LRRC37A2: variants seen among roughly 807,000 people sequenced by gnomAD.
The protein encoded by LRRC37A2 is leucine rich repeat containing 37 member A2, also known as leucine-rich repeat-containing protein 37A2.
Under a neutral mutation model 68.8 loss-of-function variants are expected in LRRC37A2, and 9 were observed. The observed-to-expected ratio is 0.13, with a 90% CI of 0.08 to 0.23. The LOEUF is 0.23. LRRC37A2 is among the 10% of genes least tolerant of loss of function. The pLI is 1.00. For missense variants in LRRC37A2, 168 were observed against 950.4 expected (o/e 0.18, Z 10.82); for synonymous variants, 63 against 367.6 (o/e 0.17, Z 9.48).
At chr17:46,929,927 T>C in the LRRC37A2 span, 1 of 240,714 alleles carries the variant, frequency 4.2e-6, no homozygotes, top group Non-Finnish European at 8.2e-6. Flanking sequence ...GGCCATTTCT[T>C]CTGAGCTGAG....
At chr17:46,965,985 A>G in the LRRC37A2 span, among the ~76,000 whole-genome samples, 1 of 151,930 alleles carries the variant, frequency 6.6e-6, no homozygotes, top group Non-Finnish European at 1.5e-5. Flanking sequence ...GGGCTGGAGT[A>G]TTTAGCCCAC....
At chr17:46,516,466 G>A (rs1362014943) in intron 2 of LRRC37A2, among the ~76,000 whole-genome samples, 1 of 144,992 alleles carries the variant, frequency 6.9e-6, no homozygotes, top group Admixed American at 6.9e-5. Flanking sequence ...ACTTTACTTG[G>A]GTCTTAAAGA....
the LRRC37A2 span, among the ~76,000 whole-genome samples, chr17:46,609,827 CTT>C: frequency 2.2e-4 from 27 of 123,254 alleles, no homozygotes; most frequent in Non-Finnish European, 2.0e-4. Context: ...CTCACTGTTT[CTT>C]TTTTTTTTTT....
the LRRC37A2 span, chr17:46,755,982 C>T: frequency 1.5e-6 from 1 of 652,146 alleles, no homozygotes; most frequent in Non-Finnish European, 2.6e-6. Flanking sequence ...AACTCCCTTC[C>T]TTATGCATAC....
At chr17:46,542,757 A>G (rs1464071633) in intron 8 of LRRC37A2, among the ~76,000 whole-genome samples, 4 of 150,340 alleles carry the variant, frequency 2.7e-5, no homozygotes, top group Admixed American at 1.3e-4. Flanking sequence ...GCGGGGCCCT[A>G]TTGTGAGTTT....
At chr17:46,493,790 G>A in the LRRC37A2 span, among the ~76,000 whole-genome samples, 4 of 150,716 alleles carry the variant, frequency 2.7e-5, no homozygotes, top group Non-Finnish European at 4.4e-5. Flanking sequence ...TCCTGCCTCG[G>A]CCTCCCAAAG....
chr17:46,779,534 C>T, the LRRC37A2 span, among the ~76,000 whole-genome samples: 1 of 152,336 alleles, frequency 6.6e-6, no homozygotes. Context: ...CACGGGCAGC[C>T]AGGCGGATGG....
At chr17:46,732,622 T>TA in the LRRC37A2 span, among the ~76,000 whole-genome samples, 1 of 152,332 alleles carries the variant, frequency 6.6e-6, no homozygotes, top group Non-Finnish European at 1.5e-5. Flanking sequence ...TTTGAAAGTA[T>TA]AAAAAGTGGT....
At chr17:47,035,015 T>C in the LRRC37A2 span, 1 of 152,108 alleles carries the variant, frequency 6.6e-6, no homozygotes, top group African/African-American at 2.4e-5. Flanking sequence ...GGACAAGCTG[T>C]GTGGCTCCCA....
At chr17:46,768,683 C>G in the LRRC37A2 span, 5 of 1,614,200 alleles carry the variant, frequency 3.1e-6, no homozygotes, top group Non-Finnish European at 4.2e-6. The surrounding 1 kb of genome is among the most constrained non-coding windows in gnomAD (Gnocchi z 5.0). Flanking sequence ...CATACTTGTC[C>G]TTGAGGAAGT....
At chr17:46,932,195 C>T in the LRRC37A2 span, 2 of 1,613,944 alleles carry the variant, frequency 1.2e-6, no homozygotes, top group East Asian at 2.2e-5. Flanking sequence ...ACCTTCACCA[C>T]TAACGTAAGC....
chr17:46,543,860 T>C (rs2055876214), intron 8 of LRRC37A2, among the ~76,000 whole-genome samples: 1 of 150,056 alleles, frequency 6.7e-6, no homozygotes, highest in Non-Finnish European at 1.5e-5. Context: ...CTCATGCCTG[T>C]AATCCCAGCA....
the LRRC37A2 span, among the ~76,000 whole-genome samples, chr17:46,771,080 T>C: frequency 6.6e-5 from 10 of 152,100 alleles, no homozygotes; most frequent in African/African-American, 2.2e-4. Context: ...GTGGGCCGAG[T>C]GCTGCAAGAA....
At chr17:46,845,474 G>A in the LRRC37A2 span, among the ~76,000 whole-genome samples, 2 of 150,166 alleles carry the variant, frequency 1.3e-5, no homozygotes, top group African/African-American at 4.9e-5. Context: ...ACAATGGAGT[G>A]AGTTATCTGA....
chr17:46,437,301 T>TA, the LRRC37A2 span, among the ~76,000 whole-genome samples: 8 of 10,508 alleles, frequency 7.6e-4, no homozygotes, highest in African/African-American at 9.2e-4. Flanking sequence ...GGTCATACTT[T>TA]AAAAAAAAAA....
the LRRC37A2 span, among the ~76,000 whole-genome samples, chr17:46,769,315 CAAA>C: frequency 8.8e-5 from 9 of 102,852 alleles, no homozygotes; most frequent in Admixed American, 2.0e-4. Flanking sequence ...GACTCCGTCT[CAAA>C]AAAAAAAAAA....
the LRRC37A2 span, among the ~76,000 whole-genome samples, chr17:46,843,716 T>A: frequency 6.6e-6 from 1 of 152,240 alleles, no homozygotes; most frequent in Non-Finnish European, 1.5e-5. Flanking sequence ...GAGCATTAAA[T>A]GGGTTAACAG....
At chr17:46,807,041 G>C in the LRRC37A2 span, among the ~76,000 whole-genome samples, 19 of 152,204 alleles carry the variant, frequency 1.2e-4, no homozygotes, top group African/African-American at 4.1e-4. Context: ...GGTGGACATA[G>C]TCATTGGCCA....
chr17:46,812,725 A>AG, the LRRC37A2 span, among the ~76,000 whole-genome samples: 654 of 152,296 alleles, frequency 4.3e-3, 3 homozygotes, highest in Non-Finnish European at 6.9e-3. Flanking sequence ...AAAGAAGAAA[A>AG]GGGGAAAACA....
Sources: gnomAD v4.1 joint callset for allele counts (sites outside exome capture counted in the v4.1 genomes callset) on GRCh38, gnomAD v4.1.1 for gene constraint, Gnocchi (gnomAD v3.1) non-coding constraint, MANE v1.5 for transcripts, NCBI Gene and HGNC (gene_info 2026-07-23, HGNC 2026-07-21) for gene names.